Variants in NMD3 observed in about 807,000 individuals in gnomAD.
NMD3 encodes NMD3 ribosome export adaptor.
Under a neutral mutation model 73.1 loss-of-function variants are expected in NMD3, and 47 were observed. The ratio of observed to expected loss-of-function variants is 0.64; its 90% CI spans 0.51 to 0.82. The LOEUF is 0.82. Ranked by LOEUF, NMD3 falls within the 40% of genes least tolerant of loss-of-function variation. The probability of loss-of-function intolerance (pLI) is 0.00; values close to 1 mark genes in which losing one functional copy is unlikely to be tolerated. For synonymous variants in NMD3, 210 were observed against 194.5 expected (o/e 1.08, Z -0.66); for missense variants, 554 against 612.5 (o/e 0.90, Z 1.01).
At chr3:161,227,224 C>T in intron 3 of NMD3, 23 bp from the exon 4 acceptor site, 1 of 1,432,766 alleles carries the variant, frequency 7.0e-7, no homozygotes, top group Non-Finnish European at 9.7e-7. Context: ...TGTTGGATTT[C>T]AGTATGTTAT....
intron 11 of NMD3, among the ~76,000 whole-genome samples, chr3:161,245,740 T>C (rs1422091965): frequency 6.6e-6 from 1 of 151,976 alleles, no homozygotes; most frequent in African/African-American, 2.4e-5. Flanking sequence ...AATTGGGATG[T>C]TGTTTCTGCT....
intron 11 of NMD3, among the ~76,000 whole-genome samples, chr3:161,245,266 GGTAAT>G (rs1737154775): frequency 6.6e-6 from 1 of 151,872 alleles, no homozygotes; most frequent in South Asian, 2.1e-4. Context: ...TATAAATTAA[GGTAAT>G]GTACTTAGGG....
chr3:161,223,768 T>C (rs962483869), intron 2 of NMD3, among the ~76,000 whole-genome samples: 2 of 152,358 alleles, frequency 1.3e-5, no homozygotes, highest in East Asian at 3.9e-4. Context: ...TTACATATTC[T>C]TGATACAGGA....
chr3:161,242,548 C>G lies in NMD3; in HGVS notation c.912C>G (p.Phe304Leu). ...IDGSTFWSHP[F>L]NSLCHPKQLE... ...GGAGCACTTTCTGGAGTCACCCTTT[C>G]AATAGTTTATGTCATCCCAAACAGC... is the stretch of plus-strand genomic sequence containing the variant. The change falls in exon 11 of 16, where the codon TTC becomes TTG. Residue 304 changes from phenylalanine to leucine, a missense_variant. By Grantham distance (22) the Phe-to-Leu change is conservative (BLOSUM62 0). Transcript: ENST00000351193. The G allele has an allele frequency of 6.2e-7, 1 of 1,613,484 alleles. No individual in the cohort carries two copies. The highest frequency in any genetic ancestry group is 8.5e-7 in the Non-Finnish European group (1 of 1,179,618).
chr3:161,246,003 G>C (rs967683337), intron 11 of NMD3, among the ~76,000 whole-genome samples: 37 of 152,030 alleles, frequency 2.4e-4, no homozygotes, highest in Admixed American at 2.2e-3. Context: ...TGTTCACTCT[G>C]CCTATGTTGG....
chr3:161,229,817 G>A (rs1359847186), intron 4 of NMD3, among the ~76,000 whole-genome samples: 1 of 152,164 alleles, frequency 6.6e-6, no homozygotes, highest in East Asian at 1.9e-4. Context: ...GGGTGAGTGT[G>A]ATGTCCTGGG....
intron 10 of NMD3, among the ~76,000 whole-genome samples, chr3:161,241,425 T>G (rs1736980635): frequency 1.3e-5 from 2 of 149,868 alleles, no homozygotes; most frequent in Non-Finnish European, 3.0e-5. Context: ...ATTGACTTTT[T>G]TTTTTTTTTT....
chr3:161,231,668 A>G (rs1474033076), intron 4 of NMD3, among the ~76,000 whole-genome samples: 4 of 152,156 alleles, frequency 2.6e-5, no homozygotes, highest in Non-Finnish European at 5.9e-5. Context: ...GTAATTAGCA[A>G]TGAAGAGCAA....
intron 9 of NMD3, among the ~76,000 whole-genome samples, chr3:161,239,529 T>C (rs1344246094): frequency 1.3e-5 from 2 of 152,182 alleles, no homozygotes; most frequent in African/African-American, 4.8e-5. Context: ...CTAGATACTT[T>C]AGTGTCTTTC....
intron 10 of NMD3, among the ~76,000 whole-genome samples, chr3:161,241,574 C>T (rs1736988030): frequency 1.3e-5 from 2 of 152,066 alleles, no homozygotes; most frequent in African/African-American, 4.8e-5. Flanking sequence ...GTGCCTGCCA[C>T]CATGCCCAGC....
chr3:161,234,439 T>TTATATATA lies in NMD3; in HGVS notation c.358-276_358-269dup, dbSNP rs59829615. Among the ~76,000 whole-genome samples, 412 of 145,516 alleles carry TTATATATA rather than the reference T, an allele frequency of 2.8e-3. 2 individuals are homozygous for TTATATATA. Among genetic ancestry groups the TTATATATA allele is most frequent in the African/African-American group, 9.5e-3 (377 of 39,882 alleles). On this transcript the variant is annotated intron_variant, in intron 5 of 15. Transcript: ENST00000351193. ...GAGTGAGACCCTGTCTCAAAAAAAA[T>TTATATATA]TATATATATATATATATATGTAAAA... is the stretch of plus-strand genomic sequence containing the variant.
chr3:161,234,675 A>G (rs1736674096), intron 5 of NMD3, 52 bp from the exon 6 acceptor site: 4 of 1,484,608 alleles, frequency 2.7e-6, no homozygotes, highest in Admixed American at 1.9e-5. Flanking sequence ...TAAAGAAAAT[A>G]TTTGTTATTA....
chr3:161,233,368 T>TA (rs753477623), intron 4 of NMD3, 31 bp from the exon 5 acceptor site: 120 of 1,528,036 alleles, frequency 7.9e-5, no homozygotes, highest in Admixed American at 1.6e-4. Flanking sequence ...GGTGAGAACT[T>TA]ACGTTTCTTT....
rs575567298 is a variant in NMD3, at chr3:161,238,370, C to T, written c.656+179C>T. On this transcript the variant is annotated intron_variant, in intron 8 of 15. Transcript: ENST00000351193. ...TCACAGAGGTGGTAGGACTTGTGCT[C>T]CAAAGATCGGGAAATTTTCATAGCT... Among the ~76,000 whole-genome samples the T allele has an allele frequency of 1.6e-4, 25 of 152,232 alleles. No homozygotes were observed. The South Asian group carries it at 4.4e-3, about 27-fold the overall frequency.
chr3:161,224,728 C>A (rs900954054), intron 2 of NMD3, among the ~76,000 whole-genome samples: 3 of 151,942 alleles, frequency 2.0e-5, no homozygotes, highest in African/African-American at 7.3e-5. Flanking sequence ...CTCAGGTGAT[C>A]TACCCGCCTC....
chr3:161,238,181 G>C lies in NMD3; in HGVS notation c.646G>C (p.Val216Leu). Residue 216 changes from valine to leucine, a missense_variant, in exon 8 of 16, where the codon GTT becomes CTT. Val to Leu is a conservative substitution (Grantham distance 32). Transcript: ENST00000351193. ...QKMVEFLQCTVPCRYKASQRL... is the reference protein window; with the variant it reads ...QKMVEFLQCTLPCRYKASQRL... ...GATGGTCGAATTTCTTCAGTGTACAGTTCCCTGTAGGTATGTTCTGAACCT... is the reference window on the plus strand; with the variant it reads ...GATGGTCGAATTTCTTCAGTGTACACTTCCCTGTAGGTATGTTCTGAACCT... 1.3e-6 allele frequency: 2 copies of C among 1,597,676 alleles called. No individual in the cohort carries two copies. Among genetic ancestry groups the C allele is most frequent in the Non-Finnish European group, 1.7e-6 (2 of 1,169,880 alleles).
At chr3:161,245,305 G>A (rs534323379) in intron 11 of NMD3, among the ~76,000 whole-genome samples, 1 of 152,118 alleles carries the variant, frequency 6.6e-6, no homozygotes, top group East Asian at 1.9e-4. Context: ...TATAATAAAT[G>A]TAGAGTATCA....
intron 7 of NMD3, among the ~76,000 whole-genome samples, chr3:161,237,538 C>CTTTTT (rs71628447): frequency 7.4e-5 from 8 of 108,812 alleles, no homozygotes; most frequent in Admixed American, 3.1e-4. Context: ...AAATAACTTT[C>CTTTTT]TTTTTTTTTT....
In NMD3 at chr3:161,250,245, T is replaced by C; in HGVS notation, c.1311-11T>C. On this transcript the variant is annotated splice_polypyrimidine_tract_variant and intron_variant, in intron 14 of 15. Transcript: ENST00000351193. ...TTTTTGGTGATGAAATATTTAAATG[T>C]TTATTTAAAGGCAATACCAAGATTT... 1 of 1,430,352 alleles carries C rather than the reference T, an allele frequency of 7.0e-7. No homozygotes were observed. The highest frequency in any genetic ancestry group is 9.8e-7 in the Non-Finnish European group (1 of 1,017,630). 88.6% of individuals were successfully genotyped at this position (1,430,352 alleles called of 1,614,324 possible). A position where few individuals can be genotyped will look rare whatever the true frequency, so the allele number is the denominator to read the frequency against.
Sources: gnomAD v4.1 joint callset for allele counts (sites outside exome capture counted in the v4.1 genomes callset) on GRCh38, gnomAD v4.1.1 for gene constraint, MANE v1.5 for transcripts, NCBI Gene and HGNC (gene_info 2026-07-23, HGNC 2026-07-21) for gene names.